TRIO: variants seen among roughly 807,000 people sequenced by gnomAD.
TRIO encodes the protein triple functional domain protein.
A neutral mutation model predicts 351.9 loss-of-function variants in TRIO; 58 were observed. The observed-to-expected ratio is 0.16, with a 90% confidence interval of 0.13 to 0.21. The LOEUF (loss-of-function observed/expected upper bound fraction) is 0.21. Among genes scored for constraint, TRIO ranks in the 10% least tolerant of loss-of-function variants. TRIO has a pLI of 1.00. For synonymous variants in TRIO, 1,758 were observed against 1,595.7 expected (o/e 1.10, Z -2.42); for missense variants, 3,201 against 4,027.8 (o/e 0.79, Z 5.56).
chr5:14,483,912 A>C (rs565595912), intron 46 of TRIO, among the ~76,000 whole-genome samples: 2 of 151,894 alleles, frequency 1.3e-5, no homozygotes, highest in African/African-American at 2.4e-5. Context: ...CTGTGCACCC[A>C]TGCCCTGAAC....
In TRIO at chr5:14,156,886, C is replaced by G. The variant is rs1363056110; in HGVS notation, c.157+13004C>G. Among the ~76,000 whole-genome samples the G allele has an allele frequency of 4.6e-5, 7 of 152,316 alleles. No homozygotes were observed. The East Asian group carries it at 1.3e-3, about 29-fold the overall frequency. On this transcript the variant is annotated intron_variant, in intron 1 of 56. Coordinates refer to ENST00000344204, the MANE Select transcript of TRIO (RefSeq NM_007118.4). ...CCAGACTCCATCAACAGCTTACTTT[C>G]TGGTGATGTCGGAGCACAAAATTGA...
intron 53 of TRIO, among the ~76,000 whole-genome samples, chr5:14,499,914 G>A (rs532061024): frequency 6.6e-6 from 1 of 151,926 alleles, no homozygotes; most frequent in South Asian, 2.1e-4. Context: ...TAGCCGGCGT[G>A]GTGGCAAGCG....
In TRIO at chr5:14,462,807, C is replaced by T. The variant is rs1013435822; in HGVS notation, c.5549C>T (p.Ser1850Leu). 6.2e-7 allele frequency: 1 copy of T among 1,614,214 alleles called. No individual in the cohort carries two copies. The highest frequency in any genetic ancestry group is 8.5e-7 in the Non-Finnish European group (1 of 1,180,024). Residue 1850 changes from serine to leucine, a missense_variant, in exon 36 of 57, where the codon TCG becomes TTG. Coordinates refer to ENST00000344204, the MANE Select transcript of TRIO (RefSeq NM_007118.4). ...SSGTLSKSSS[S>L]GMQSCGEEEG... ...GGTACTCTCTCCAAATCCTCCTCCT[C>T]GGGGATGCAGAGCTGTGGAGAAGAG...
Position 14,369,481 on chromosome 5 carries a change from C to G in TRIO, c.3174C>G (p.Pro1058=). The change falls in exon 18 of 57, where the codon CCC becomes CCG. Residue 1058 remains proline, a synonymous_variant. Coordinates refer to ENST00000344204, the MANE Select transcript of TRIO (RefSeq NM_007118.4). The stretch of plus-strand genomic sequence containing the variant: ...ACTCTGAGACGGACCACGTGACGCC[C>G]ATGATCAGCAAGCACCTGGAGCAGA... The part of the protein sequence containing the change: ...GPNSETDHVT[P]MISKHLEQKE... 1 of 1,614,108 alleles carries G rather than the reference C, an allele frequency of 6.2e-7. No individual in the cohort carries two copies. Among genetic ancestry groups the G allele is most frequent in the Non-Finnish European group, 8.5e-7 (1 of 1,180,012 alleles).
chr5:14,148,481 C>T (rs1399890050), intron 1 of TRIO, among the ~76,000 whole-genome samples: 1 of 152,202 alleles, frequency 6.6e-6, no homozygotes, highest in African/African-American at 2.4e-5. Context: ...AATAGCCACA[C>T]TTTACTGCCT....
chr5:14,440,822 AG>A (rs1243144442), intron 34 of TRIO: 1 of 152,146 alleles, frequency 6.6e-6, no homozygotes, highest in Non-Finnish European at 1.5e-5. Flanking sequence ...CTGCGTGGGG[AG>A]GGCAACTGTC....
At chr5:14,150,391 G>A (rs1173255080) in intron 1 of TRIO, among the ~76,000 whole-genome samples, 1 of 151,992 alleles carries the variant, frequency 6.6e-6, no homozygotes, top group Admixed American at 6.6e-5. Flanking sequence ...GCAGTTACAT[G>A]TGTTAAAATT....
intron 1 of TRIO, among the ~76,000 whole-genome samples, chr5:14,194,186 C>G (rs1019064210): frequency 3.3e-5 from 5 of 152,166 alleles, no homozygotes; most frequent in African/African-American, 1.2e-4. Context: ...AAAGAGCTGT[C>G]TTTTTACTAC....
At chr5:14,501,086 A>G (rs980982594) in intron 53 of TRIO, among the ~76,000 whole-genome samples, 1 of 151,898 alleles carries the variant, frequency 6.6e-6, no homozygotes, top group Admixed American at 6.6e-5. Flanking sequence ...AAAGAAAAAA[A>G]AAACACCAAG....
chr5:14,193,218 A>T (rs541158424), intron 1 of TRIO, among the ~76,000 whole-genome samples: 3 of 152,370 alleles, frequency 2.0e-5, no homozygotes, highest in Non-Finnish European at 4.4e-5. Context: ...ATCGTGACAC[A>T]AAAGGATATT....
At chr5:14,444,843 A>AT (rs1459682864) in intron 34 of TRIO, among the ~76,000 whole-genome samples, 5 of 152,162 alleles carry the variant, frequency 3.3e-5, no homozygotes, top group African/African-American at 1.2e-4. Context: ...GAAATATTAG[A>AT]ATGTTTTTGA....
rs26086 is a variant in TRIO at position 14,507,796 on chromosome 5, A to G, written c.8752-84A>G. 193,851 of 1,493,498 alleles carry G rather than the reference A, an allele frequency of 0.13. 13,591 individuals are homozygous for G. Among genetic ancestry groups the G allele is most frequent in the Admixed American group, 0.23 (11,284 of 48,990 alleles). The allele number at this position is 1,493,498 out of a possible 1,614,324, so 92.5% of individuals were successfully genotyped here. A position where few individuals can be genotyped will look rare whatever the true frequency, so the allele number is the denominator to read the frequency against. The stretch of plus-strand genomic sequence containing the variant: ...CTAGTTGACATCCTAGATTCCTTCC[A>G]CCTCACCATAGAGTCCCGCCCATCA... On this transcript the variant is annotated intron_variant, in intron 56 of 56. Coordinates refer to ENST00000344204, the MANE Select transcript of TRIO (RefSeq NM_007118.4).
chr5:14,175,407 C>T (rs909395039), intron 1 of TRIO, among the ~76,000 whole-genome samples: 1 of 152,144 alleles, frequency 6.6e-6, no homozygotes, highest in Non-Finnish European at 1.5e-5. Flanking sequence ...ATTCCTACTT[C>T]CTTTAATGTT....
At chr5:14,481,145 G>GT in intron 43 of TRIO, 89 bp from the exon 44 acceptor site, 1 of 1,410,680 alleles carries the variant, frequency 7.1e-7, no homozygotes, top group South Asian at 1.3e-5. Context: ...GAGTAACATA[G>GT]TGAGACCCTG....
At chr5:14,295,503 A>G (rs1737279263) in intron 6 of TRIO, among the ~76,000 whole-genome samples, 2 of 152,234 alleles carry the variant, frequency 1.3e-5, no homozygotes, top group South Asian at 4.1e-4. Flanking sequence ...ACAATCTAGG[A>G]ATGGGCAGGT....
intron 34 of TRIO, chr5:14,440,923 C>G (rs544531458): frequency 3.3e-5 from 5 of 152,224 alleles, no homozygotes; most frequent in Non-Finnish European, 7.3e-5. Flanking sequence ...GAAGAATTTC[C>G]TTGAGCTCCA....
chr5:14,364,747 C>T lies in TRIO; in HGVS notation c.2685C>T (p.Ala895=), dbSNP rs760667902. The T allele has an allele frequency of 8.7e-6, 14 of 1,612,572 alleles. No individual in the cohort carries two copies. The highest frequency in any genetic ancestry group is 4.0e-5 in the African/African-American group (3 of 74,876). Residue 895 remains alanine, a synonymous_variant, in exon 15 of 57, where the codon GCC becomes GCT. Transcript: ENST00000344204. ...AAAAACAGCAGGAATTGGATTTAGC[C>T]GCAGAGCAGCATCGGAAACACCTGG... ...LHEKQQELDL[A]AEQHRKHLEQ... is the part of the protein sequence containing the mutation.
At chr5:14,446,059 T>C (rs1170855393) in intron 34 of TRIO, among the ~76,000 whole-genome samples, 2 of 152,222 alleles carry the variant, frequency 1.3e-5, no homozygotes, top group Non-Finnish European at 2.9e-5. Context: ...TAATTGGTGT[T>C]CTTAGCAGAG....
At chr5:14,465,800 T>C in intron 37 of TRIO, 160 bp downstream of exon 37, 1 of 704,078 alleles carries the variant, frequency 1.4e-6, no homozygotes, top group Admixed American at 2.3e-5. Context: ...GTTCACTGAT[T>C]TGAAGGACTC....
Sources: gnomAD v4.1 joint callset for allele counts (sites outside exome capture counted in the v4.1 genomes callset) on GRCh38, gnomAD v4.1.1 for gene constraint, MANE v1.5 for transcripts, NCBI Gene and HGNC (gene_info 2026-07-23, HGNC 2026-07-21) for gene names.